Variants in AGBL1 observed in about 807,000 individuals in gnomAD.
The protein encoded by AGBL1 is cytosolic carboxypeptidase 4.
Under a neutral mutation model 118.9 loss-of-function variants are expected in AGBL1, and 130 were observed. The ratio of observed to expected loss-of-function variants is 1.09; its 90% CI spans 0.95 to 1.26. The LOEUF is 1.26. Ranked by LOEUF, AGBL1 falls within the 50% of genes most tolerant of loss-of-function variation. AGBL1 has a pLI of 0.00. For missense variants in AGBL1, 1,584 were observed against 1,298.1 expected (o/e 1.22, Z -3.38); for synonymous variants, 555 against 478.9 (o/e 1.16, Z -2.08).
intron 17 of AGBL1, among the ~76,000 whole-genome samples, chr15:86,365,340 G>A (rs1027182977): frequency 2.0e-5 from 3 of 152,116 alleles, no homozygotes; most frequent in Non-Finnish European, 4.4e-5. Context: ...TCATCTGGAA[G>A]AACTAATTTT....
intron 16 of AGBL1, among the ~76,000 whole-genome samples, chr15:86,283,698 G>T (rs967911420): frequency 4.6e-5 from 7 of 152,222 alleles, no homozygotes; most frequent in African/African-American, 1.4e-4. Flanking sequence ...GTAATCAGTA[G>T]ACAGAGATCC....
intron 22 of AGBL1, among the ~76,000 whole-genome samples, chr15:86,714,071 C>A (rs772197420): frequency 6.6e-6 from 1 of 152,040 alleles, no homozygotes; most frequent in Admixed American, 6.6e-5. Flanking sequence ...ATGTGGACAC[C>A]AGCTATGAGG....
intron 1 of AGBL1, among the ~76,000 whole-genome samples, chr15:86,138,738 T>C (rs1204836627): frequency 6.6e-6 from 1 of 152,208 alleles, no homozygotes; most frequent in African/African-American, 2.4e-5. Context: ...TCCTTGCTCA[T>C]GATTTATAAT....
intron 1 of AGBL1, among the ~76,000 whole-genome samples, chr15:86,124,089 G>A (rs1163566879): frequency 1.3e-5 from 2 of 152,016 alleles, no homozygotes; most frequent in Admixed American, 6.5e-5. Context: ...TAGCACTTTG[G>A]GAGGCCGAGG....
chr15:86,944,025 C>T (rs879517), intron 23 of AGBL1, among the ~76,000 whole-genome samples: 4,980 of 152,052 alleles, frequency 0.033, 279 homozygotes, highest in African/African-American at 0.11. Context: ...AAAAAGTATG[C>T]CTAAGATAAA....
At chr15:86,467,324 C>A (rs1045471352) in intron 18 of AGBL1, among the ~76,000 whole-genome samples, 4 of 152,216 alleles carry the variant, frequency 2.6e-5, no homozygotes, top group East Asian at 1.9e-4. Flanking sequence ...CTCCTCCCCC[C>A]ACCAAGCTTG....
intron 5 of AGBL1, among the ~76,000 whole-genome samples, chr15:86,178,663 AAAT>A (rs1321744580): frequency 6.6e-6 from 1 of 152,246 alleles, no homozygotes. Flanking sequence ...ATTTAAAAAT[AAAT>A]AATAAAAATT....
chr15:86,785,627 C>G (rs569662723), intron 22 of AGBL1, among the ~76,000 whole-genome samples: 1 of 152,060 alleles, frequency 6.6e-6, no homozygotes, highest in Non-Finnish European at 1.5e-5. Context: ...CTTGGCCCCC[C>G]GAAGTGCTGG....
intron 21 of AGBL1, among the ~76,000 whole-genome samples, chr15:86,668,389 A>G (rs1314883943): frequency 1.3e-5 from 2 of 152,084 alleles, no homozygotes; most frequent in African/African-American, 4.8e-5. Context: ...CTAATTTCTT[A>G]TTGTTTCCTT....
At chr15:86,998,006 A>G (rs2081396113) in intron 24 of AGBL1, among the ~76,000 whole-genome samples, 1 of 152,020 alleles carries the variant, frequency 6.6e-6, no homozygotes, top group African/African-American at 2.4e-5. Flanking sequence ...TGAACTAGAT[A>G]TGTAACACAT....
At chr15:86,359,554 A>G (rs554682547) in intron 17 of AGBL1, among the ~76,000 whole-genome samples, 131 of 150,348 alleles carry the variant, frequency 8.7e-4, no homozygotes, top group African/African-American at 3.0e-3. Flanking sequence ...CAGTTTTAGG[A>G]CAATTTTTTT....
At chr15:86,562,321 A>G (rs2083837439) in intron 21 of AGBL1, among the ~76,000 whole-genome samples, 1 of 152,200 alleles carries the variant, frequency 6.6e-6, no homozygotes, top group Admixed American at 6.5e-5. Context: ...TGTCCCATCA[A>G]TACCTAATTT....
rs892819325 is a variant in AGBL1, at chr15:86,178,748, C to T, written c.488+19722C>T. On this transcript the variant is annotated intron_variant, in intron 5 of 22. Transcript: ENST00000614907. ...ACTTATTCAATGAAGCCAGCGTTAC[C>T]CTGATACCAAAAGCAGGCAAAGACT... Among the ~76,000 whole-genome samples, 3 of 152,120 alleles carry T rather than the reference C, an allele frequency of 2.0e-5. No homozygotes were observed. The East Asian group carries it at 5.8e-4, about 29-fold the overall frequency.
chr15:86,881,311 C>T (rs12594662), intron 22 of AGBL1, among the ~76,000 whole-genome samples: 17,624 of 152,152 alleles, frequency 0.12, 1,295 homozygotes, highest in Non-Finnish European at 0.15. Flanking sequence ...TCGTGGAATG[C>T]TCTCAGTGTC....
chr15:86,272,008 G>C (rs935659776), intron 15 of AGBL1, among the ~76,000 whole-genome samples: 2 of 152,206 alleles, frequency 1.3e-5, no homozygotes, highest in Non-Finnish European at 2.9e-5. Flanking sequence ...CCTGTGATTA[G>C]TGTGTCAAGC....
chr15:86,393,940 GT>G (rs1387443091), intron 17 of AGBL1, among the ~76,000 whole-genome samples: 1 of 152,120 alleles, frequency 6.6e-6, no homozygotes, highest in African/African-American at 2.4e-5. Context: ...TGAAGACACA[GT>G]AAAAAGAAAG....
At chr15:86,958,206 T>TAAAAAAA (rs545565434) in intron 23 of AGBL1, among the ~76,000 whole-genome samples, 1 of 125,196 alleles carries the variant, frequency 8.0e-6, no homozygotes, top group Non-Finnish European at 1.7e-5. Context: ...TCTTGTTTCT[T>TAAAAAAA]AAAAAAAAAA....
At chr15:86,452,733 T>G (rs2082211518) in intron 18 of AGBL1, among the ~76,000 whole-genome samples, 1 of 152,184 alleles carries the variant, frequency 6.6e-6, no homozygotes, top group Non-Finnish European at 1.5e-5. Flanking sequence ...GTGATCCTGC[T>G]GCCCTTCTGC....
chr15:86,504,456 A>T (rs557815586), intron 18 of AGBL1, among the ~76,000 whole-genome samples: 3 of 151,568 alleles, frequency 2.0e-5, no homozygotes, highest in African/African-American at 4.8e-5. Context: ...TTTTGCTATC[A>T]GTTTTCCATA....
Sources: gnomAD v4.1 joint callset for allele counts (sites outside exome capture counted in the v4.1 genomes callset) on GRCh38, gnomAD v4.1.1 for gene constraint, MANE v1.5 for transcripts, NCBI Gene and HGNC (gene_info 2026-07-23, HGNC 2026-07-21) for gene names.